FAAH2: variants seen among roughly 807,000 people sequenced by gnomAD.
The protein encoded by FAAH2 is fatty acid amide hydrolase 2, also known as fatty-acid amide hydrolase 2.
In FAAH2, 60 loss-of-function variants were observed where a neutral mutation model predicts 36.9. The observed-to-expected ratio is 1.63, with a 90% CI of 1.32 to 2.02. The LOEUF (loss-of-function observed/expected upper bound fraction) is 2.02. Ranked by LOEUF, FAAH2 falls within the 30% of genes most tolerant of loss-of-function variation. FAAH2 has a pLI of 0.00. For synonymous variants in FAAH2, 214 were observed against 143.8 expected (o/e 1.49, Z -3.49); for missense variants, 689 against 397.5 (o/e 1.73, Z -6.23).
rs754877253 is a variant in FAAH2, at chrX:57,385,918, A to AT, written c.996+4889_996+4890insT. 1.2e-3 allele frequency among the ~76,000 whole-genome samples: 131 copies of AT among 109,451 alleles called. No homozygotes were observed. In the South Asian group the frequency reaches 0.025, roughly 21 times the overall value. Reference sequence around the variant, plus strand: ...GTGAGACTCCGTTAAAAAAAAAAAAAAATAGCATAAGTGGATACATTACTG... The same window carrying AT: ...GTGAGACTCCGTTAAAAAAAAAAAAATAATAGCATAAGTGGATACATTACTG... On this transcript the variant is annotated intron_variant, in intron 7 of 10. Transcript: ENST00000374900.
At chrX:57,358,889 A>AT (rs781425538) in intron 5 of FAAH2, among the ~76,000 whole-genome samples, 2 of 110,809 alleles carry the variant, frequency 1.8e-5, no homozygotes, top group Non-Finnish European at 3.8e-5. Context: ...CTTGTGAGTT[A>AT]TTTTTTATTT....
chrX:57,474,415 G>A (rs1287939514), intron 10 of FAAH2, among the ~76,000 whole-genome samples: 1 of 110,332 alleles, frequency 9.1e-6, no homozygotes, highest in Non-Finnish European at 1.9e-5. Context: ...GTGTCCATGT[G>A]TTCTCATTGT....
the FAAH2 span, among the ~76,000 whole-genome samples, chrX:57,186,553 A>G: frequency 3.4e-4 from 37 of 110,391 alleles, 1 homozygote; most frequent in Admixed American, 3.8e-4. Flanking sequence ...CTGAGCAGAA[A>G]CTCTTTAGTT....
the FAAH2 span, among the ~76,000 whole-genome samples, chrX:57,268,773 C>T: frequency 8.9e-6 from 1 of 111,788 alleles, no homozygotes; most frequent in African/African-American, 3.2e-5. Context: ...CCATTACCCA[C>T]CACTACAAAA....
chrX:57,238,737 G>A, the FAAH2 span, among the ~76,000 whole-genome samples: 53 of 111,952 alleles, frequency 4.7e-4, 1 homozygote, highest in South Asian at 0.02. Context: ...TGTACAAATT[G>A]TTCACCCAAC....
the FAAH2 span, among the ~76,000 whole-genome samples, chrX:57,238,932 C>G: frequency 8.9e-6 from 1 of 111,959 alleles, no homozygotes; most frequent in Admixed American, 9.5e-5. Flanking sequence ...ATAATAACCT[C>G]CAGTTGTATC....
the FAAH2 span, among the ~76,000 whole-genome samples, chrX:57,189,009 C>T: frequency 9.0e-6 from 1 of 111,544 alleles, no homozygotes; most frequent in Non-Finnish European, 1.9e-5. Context: ...CTCCCAGTCA[C>T]GTTCAGGGAC....
At chrX:57,451,387 T>A (rs2056781005) in intron 10 of FAAH2, among the ~76,000 whole-genome samples, 1 of 112,297 alleles carries the variant, frequency 8.9e-6, no homozygotes, top group Non-Finnish European at 1.9e-5. Flanking sequence ...TTATTAAGCA[T>A]GTATTGTGAA....
Position 57,304,823 on chromosome X carries a change from G to A in FAAH2, c.276-5770G>A, listed in dbSNP as rs185182304. ...ATAATCATAATGAAGCAGTTGTTAT[G>A]TACCTAATGGGATTATTGTGAGGAT... On this transcript the variant is annotated intron_variant, in intron 2 of 10. Transcript: ENST00000374900. 3.4e-3 allele frequency among the ~76,000 whole-genome samples: 380 copies of A among 111,411 alleles called. 2 individuals are homozygous for A. The highest frequency in any genetic ancestry group is 0.012 in the South Asian group (31 of 2,614).
chrX:57,183,168 G>A, the FAAH2 span, among the ~76,000 whole-genome samples: 3 of 110,859 alleles, frequency 2.7e-5, no homozygotes, highest in African/African-American at 9.9e-5. Flanking sequence ...CATGACACAA[G>A]TTTATCTATA....
chrX:57,224,067 T>G, the FAAH2 span, among the ~76,000 whole-genome samples: 2 of 111,799 alleles, frequency 1.8e-5, no homozygotes, highest in Non-Finnish European at 3.8e-5. Context: ...TTATAGTCCC[T>G]TTGAAATCAT....
At chrX:57,346,415 T>C (rs929161213) in intron 5 of FAAH2, among the ~76,000 whole-genome samples, 6 of 111,993 alleles carry the variant, frequency 5.4e-5, no homozygotes, top group African/African-American at 1.9e-4. Context: ...TTAAGATCTG[T>C]TTTATCTTAT....
chrX:57,253,542 G>A, the FAAH2 span, among the ~76,000 whole-genome samples: 1 of 111,829 alleles, frequency 8.9e-6, no homozygotes, highest in African/African-American at 3.3e-5. Context: ...ACCCGCAAAA[G>A]GAAGCCCATC....
Position 57,378,644 on chromosome X carries a change from C to T in FAAH2, c.743-7C>T, listed in dbSNP as rs2054750704. 2 of 1,210,616 alleles carry T rather than the reference C, an allele frequency of 1.7e-6. No individual in the cohort carries two copies. Among genetic ancestry groups the T allele is most frequent in the Non-Finnish European group, 2.2e-6 (2 of 894,961 alleles). ...TGGGCGGCTAACCTGACTGTCTATC[C>T]TTTCAGGTGTGGTTCCCAACAAAGG... is the stretch of plus-strand genomic sequence containing the variant. On this transcript the variant is annotated splice_region_variant and splice_polypyrimidine_tract_variant and intron_variant, in intron 5 of 10. Transcript: ENST00000374900.
intron 10 of FAAH2, among the ~76,000 whole-genome samples, chrX:57,453,749 A>C (rs1411879223): frequency 8.9e-6 from 1 of 112,004 alleles, no homozygotes; most frequent in Non-Finnish European, 1.9e-5. Context: ...GCACCTAGAC[A>C]GGGGATTAAG....
At chrX:57,470,707 A>C (rs1433436296) in intron 10 of FAAH2, among the ~76,000 whole-genome samples, 2 of 111,689 alleles carry the variant, frequency 1.8e-5, no homozygotes, top group Admixed American at 1.9e-4. Context: ...AAACTATTCC[A>C]ATCGATAGAA....
At chrX:57,458,734 G>T (rs2056906286) in intron 10 of FAAH2, among the ~76,000 whole-genome samples, 1 of 111,543 alleles carries the variant, frequency 9.0e-6, no homozygotes, top group Admixed American at 9.4e-5. Flanking sequence ...GCAAGGAGTG[G>T]GGGCCTCCGT....
At chrX:57,438,786 G>C (rs1218475184) in intron 8 of FAAH2, among the ~76,000 whole-genome samples, 2 of 88,813 alleles carry the variant, frequency 2.3e-5, no homozygotes, top group African/African-American at 8.3e-5. Context: ...AGAGTGTGAT[G>C]TTCCCCTTCC....
chrX:57,319,898 C>T (rs929870557), intron 3 of FAAH2, among the ~76,000 whole-genome samples: 21 of 111,821 alleles, frequency 1.9e-4, no homozygotes, highest in African/African-American at 6.8e-4. Context: ...TTTGACAAAC[C>T]TGGCAAAAAC....
Sources: gnomAD v4.1 joint callset for allele counts (sites outside exome capture counted in the v4.1 genomes callset) on GRCh38, gnomAD v4.1.1 for gene constraint, MANE v1.5 for transcripts, NCBI Gene and HGNC (gene_info 2026-07-23, HGNC 2026-07-21) for gene names.